UBR3: variants seen among roughly 807,000 people sequenced by gnomAD.
UBR3 encodes ubiquitin protein ligase E3 component n-recognin 3, also known as E3 ubiquitin-protein ligase UBR3.
In UBR3, 85 loss-of-function variants were observed where a neutral mutation model predicts 243.2. The ratio of observed to expected loss-of-function variants is 0.35; its 90% CI spans 0.29 to 0.42. The LOEUF is 0.42. Ranked by LOEUF, UBR3 falls within the 10% of genes least tolerant of loss-of-function variation. The pLI, the probability that UBR3 is intolerant of heterozygous loss-of-function variation, is 1.00. For missense variants in UBR3, 1,686 were observed against 2,300.8 expected (o/e 0.73, Z 5.47); for synonymous variants, 748 against 799.8 (o/e 0.94, Z 1.09).
intron 16 of UBR3, 68 bp downstream of exon 16, chr2:169,927,039 AG>A (rs2085936330): frequency 1.6e-5 from 24 of 1,503,178 alleles, no homozygotes; most frequent in Non-Finnish European, 2.2e-5. Context: ...TCCCTGTGGT[AG>A]TAACTGGCTT....
At chr2:169,862,481 A>G (rs1030661943) in intron 1 of UBR3, among the ~76,000 whole-genome samples, 3 of 152,172 alleles carry the variant, frequency 2.0e-5, no homozygotes, top group Non-Finnish European at 4.4e-5. Flanking sequence ...ATCATTGTCT[A>G]TCTCTGTCCT....
chr2:170,051,212 G>C (rs2091209366), intron 32 of UBR3, among the ~76,000 whole-genome samples: 1 of 151,924 alleles, frequency 6.6e-6, no homozygotes, highest in South Asian at 2.1e-4. Context: ...AGAGCTGACT[G>C]TATTTTTTTA....
At chr2:169,872,589 C>T (rs916705283) in intron 2 of UBR3, among the ~76,000 whole-genome samples, 22 of 152,074 alleles carry the variant, frequency 1.4e-4, no homozygotes, top group Middle Eastern at 3.4e-3. Flanking sequence ...TTTCTGCTTC[C>T]GGGGTCATAA....
chr2:169,902,100 T>C (rs1304231149), intron 8 of UBR3, among the ~76,000 whole-genome samples: 1 of 152,230 alleles, frequency 6.6e-6, no homozygotes, highest in Non-Finnish European at 1.5e-5. Flanking sequence ...TTGATTCCAC[T>C]GTCTAACTAT....
At chr2:169,959,680 G>A (rs1052227935) in intron 24 of UBR3, among the ~76,000 whole-genome samples, 6 of 152,110 alleles carry the variant, frequency 3.9e-5, no homozygotes, top group African/African-American at 1.4e-4. Flanking sequence ...CAAGCTGGGG[G>A]ATGAGAAAAG....
At chr2:169,892,591 T>A (rs1329856411) in intron 6 of UBR3, among the ~76,000 whole-genome samples, 1 of 152,238 alleles carries the variant, frequency 6.6e-6, no homozygotes, top group Admixed American at 6.5e-5. Flanking sequence ...TAAAACTTCA[T>A]CAGTTACCAT....
chr2:170,030,629 A>T (rs1314909374), intron 31 of UBR3, among the ~76,000 whole-genome samples: 1 of 152,072 alleles, frequency 6.6e-6, no homozygotes, highest in Non-Finnish European at 1.5e-5. Context: ...ACTAACCATA[A>T]ATTATCTTTG....
At chr2:170,056,248 C>T (rs930863857) in intron 33 of UBR3, among the ~76,000 whole-genome samples, 7 of 152,042 alleles carry the variant, frequency 4.6e-5, no homozygotes, top group African/African-American at 1.4e-4. Flanking sequence ...CCTTGTGATC[C>T]GCCCACCTCA....
chr2:169,981,562 A>G lies in UBR3; in HGVS notation c.3635-5083A>G, dbSNP rs548023294. Among the ~76,000 whole-genome samples the G allele has an allele frequency of 3.3e-5, 5 of 152,238 alleles. No individual in the cohort carries two copies. In the South Asian group the frequency reaches 1.0e-3, roughly 32 times the overall value. The stretch of plus-strand genomic sequence containing the variant: ...TGAGAAACTGTCACAGTTTCTTCTT[A>G]GAAGAACATAAGGAGACATAACAAC... On this transcript the variant is annotated intron_variant, in intron 24 of 38. Transcript: ENST00000272793.
At chr2:169,980,408 G>A (rs187938602) in intron 24 of UBR3, among the ~76,000 whole-genome samples, 1 of 152,252 alleles carries the variant, frequency 6.6e-6, no homozygotes, top group East Asian at 1.9e-4. Flanking sequence ...AGCTGAAAGG[G>A]CCTAGAAGCA....
intron 24 of UBR3, 151 bp downstream of exon 24, chr2:169,958,677 A>G: frequency 1.6e-6 from 1 of 622,830 alleles, no homozygotes; most frequent in South Asian, 2.3e-5. Context: ...GGAAGATCAG[A>G]CTTTTATTAT....
At chr2:169,907,146 C>T (rs546149557) in intron 10 of UBR3, among the ~76,000 whole-genome samples, 2 of 150,688 alleles carry the variant, frequency 1.3e-5, no homozygotes, top group Non-Finnish European at 2.9e-5. Flanking sequence ...AAGCAATTCT[C>T]CTGCCTGAGC....
rs141328544 is a variant in UBR3 at position 170,040,337 on chromosome 2, C to T, written c.4557-545C>T. Among the ~76,000 whole-genome samples, 670 of 151,764 alleles carry T rather than the reference C, an allele frequency of 4.4e-3. 6 individuals are homozygous for T. Among genetic ancestry groups the T allele is most frequent in the African/African-American group, 0.015 (626 of 41,388 alleles). ...GTCAATCTGGTCTCAAACTTCTGAG[C>T]TCAAGTGATCCGCCTGCCTCAGCCT... On this transcript the variant is annotated intron_variant, in intron 31 of 38. Coordinates refer to ENST00000272793, the MANE Select transcript of UBR3 (RefSeq NM_172070.4).
intron 1 of UBR3, among the ~76,000 whole-genome samples, chr2:169,838,868 G>T (rs1031062680): frequency 4.6e-5 from 7 of 152,176 alleles, no homozygotes; most frequent in Admixed American, 1.3e-4. Context: ...AACCTGTGAA[G>T]TCAAACAAGT....
chr2:170,074,022 A>C (rs553136847), intron 36 of UBR3, among the ~76,000 whole-genome samples: 10 of 152,204 alleles, frequency 6.6e-5, no homozygotes, highest in Non-Finnish European at 1.3e-4. Flanking sequence ...CTACCAGCTC[A>C]GCTAGTTAAA....
chr2:169,838,669 C>T (rs1280114771), intron 1 of UBR3, among the ~76,000 whole-genome samples: 1 of 152,132 alleles, frequency 6.6e-6, no homozygotes, highest in Non-Finnish European at 1.5e-5. Context: ...CTGCCCCTCG[C>T]CCCCAAAAAG....
intron 31 of UBR3, among the ~76,000 whole-genome samples, chr2:170,031,134 G>C (rs1416723044): frequency 1.3e-5 from 2 of 151,946 alleles, no homozygotes; most frequent in African/African-American, 4.8e-5. Flanking sequence ...TTAAAGACCA[G>C]ATCTCCCTGT....
chr2:170,034,131 A>C (rs1250736142), intron 31 of UBR3, among the ~76,000 whole-genome samples: 1 of 151,670 alleles, frequency 6.6e-6, no homozygotes, highest in African/African-American at 2.4e-5. Context: ...ATCAATATCC[A>C]CCACCAGTGT....
chr2:169,878,989 C>A (rs963901475), intron 5 of UBR3, among the ~76,000 whole-genome samples: 22 of 151,954 alleles, frequency 1.4e-4, no homozygotes, highest in Admixed American at 6.6e-4. Context: ...AACTGTTTTT[C>A]TAATCGTATA....
Sources: allele counts gnomAD v4.1 joint callset (sites outside exome capture counted in the v4.1 genomes callset), GRCh38; gene constraint gnomAD v4.1.1; transcripts MANE v1.5; gene names NCBI Gene and HGNC (gene_info 2026-07-23, HGNC 2026-07-21).